Variants in AKT2 observed in about 807,000 individuals in gnomAD.
AKT2 encodes the protein RAC-beta serine/threonine-protein kinase.
In AKT2, 16 loss-of-function variants were observed where a neutral mutation model predicts 58.6. The observed-to-expected ratio is 0.27, with a 90% CI of 0.18 to 0.41. The LOEUF (loss-of-function observed/expected upper bound fraction) is 0.41. Among genes scored for constraint, AKT2 ranks in the 10% least tolerant of loss-of-function variants. The pLI, the probability that AKT2 is intolerant of heterozygous loss-of-function variation, is 1.00. For synonymous variants in AKT2, 253 were observed against 254.0 expected (o/e 1.00, Z 0.04); for missense variants, 438 against 661.0 (o/e 0.66, Z 3.70).
chr19:40,271,443 A>G (rs908974884), intron 1 of AKT2, among the ~76,000 whole-genome samples: 41 of 150,730 alleles, frequency 2.7e-4, no homozygotes, highest in African/African-American at 1.0e-3. Flanking sequence ...AAAAAAAAAA[A>G]AACCAAAAAA....
In AKT2 at chr19:40,242,966, G is replaced by A. The variant is rs1974504573; in HGVS notation, c.288-279C>T. 2.2e-5 allele frequency: 9 copies of A among 415,558 alleles called. No individual in the cohort carries two copies. Among genetic ancestry groups the A allele is most frequent in the South Asian group, 2.0e-4 (9 of 46,132 alleles). The allele number at this position is 415,558 out of a possible 1,614,324, so 25.7% of individuals were successfully genotyped here. On this transcript the variant is annotated intron_variant, in intron 4 of 13. Transcript: ENST00000392038. This position sits in a 1 kb window ranked among gnomAD's most constrained non-coding sequence, Gnocchi z 4.3. ...GTTCGAGACCAGCCTGGCCAACATG[G>A]TGAAACCCCGTCTCTACTAAAAATA...
In AKT2 at chr19:40,238,053, C is replaced by A; in HGVS notation, c.747G>T (p.Glu249Asp). ...CTGCACCATAAAACCGGGCCCGCTC[C>A]TCTGTGAAGACACGCTCCCGGGACA... is the stretch of plus-strand genomic sequence containing the variant. ...FHLSRERVFT[E>D]ERARFYGAEI... is the part of the protein sequence containing the mutation. Residue 249 changes from glutamate (E) to aspartate (D), a missense_variant, in exon 9 of 14, where the codon GAG becomes GAT. Physicochemically the swap from Glu to Asp is conservative, Grantham distance 45. Coordinates refer to ENST00000392038, the MANE Select transcript of AKT2 (RefSeq NM_001626.6). The surrounding 1 kb of genome is among the most constrained non-coding windows in gnomAD (Gnocchi z 5.1). 6.2e-7 allele frequency: 1 copy of A among 1,608,222 alleles called. No individual in the cohort carries two copies.
chr19:40,261,284 G>C (rs1975927970), intron 2 of AKT2, among the ~76,000 whole-genome samples: 1 of 152,326 alleles, frequency 6.6e-6, no homozygotes, highest in African/African-American at 2.4e-5. Flanking sequence ...TGTAATCCCA[G>C]CACTTTGGGA....
chr19:40,282,334 G>T (rs78266304), intron 1 of AKT2: 26,604 of 381,760 alleles, frequency 0.07, 1,191 homozygotes, highest in East Asian at 0.095. Context: ...GTGGTCCAAG[G>T]TCGCAGAGCT....
intron 1 of AKT2, among the ~76,000 whole-genome samples, chr19:40,278,820 C>T (rs959997567): frequency 6.6e-6 from 1 of 151,952 alleles, no homozygotes; most frequent in African/African-American, 2.4e-5. Context: ...AGGAAGGTTC[C>T]CGTTTACAGC....
chr19:40,256,891 C>T, intron 3 of AKT2, 35 bp downstream of exon 3: 2 of 1,613,554 alleles, frequency 1.2e-6, no homozygotes, highest in Non-Finnish European at 1.7e-6. Flanking sequence ...ATCCTGTGAG[C>T]ACCAGAACAC....
chr19:40,236,512 C>T lies in AKT2; in HGVS notation c.832-127G>A, dbSNP rs543722732. The T allele has an allele frequency of 2.2e-5, 28 of 1,263,440 alleles. No individual in the cohort carries two copies. The East Asian group carries it at 5.8e-4, about 26-fold the overall frequency. The allele number at this position is 1,263,440 out of a possible 1,614,324, so 78.3% of individuals were successfully genotyped here. A position where few individuals can be genotyped will look rare whatever the true frequency, so the allele number is the denominator to read the frequency against. Reference sequence around the variant, plus strand: ...CCCTCCCATGCCAGGCTGGGCCCAGCACACACAGCCTCACCCTCTGAGGCT... The same window carrying T: ...CCCTCCCATGCCAGGCTGGGCCCAGTACACACAGCCTCACCCTCTGAGGCT... On this transcript the variant is annotated intron_variant, in intron 9 of 13. Transcript: ENST00000392038.
chr19:40,259,193 C>T (rs570216680), intron 2 of AKT2, among the ~76,000 whole-genome samples: 2 of 152,040 alleles, frequency 1.3e-5, no homozygotes, highest in South Asian at 2.1e-4. Flanking sequence ...TTTTTCAAAA[C>T]GAAAGAAAAG....
intron 1 of AKT2, among the ~76,000 whole-genome samples, chr19:40,278,469 G>A (rs73933238): frequency 0.12 from 17,676 of 152,014 alleles, 1,434 homozygotes; most frequent in African/African-American, 0.23. Flanking sequence ...TCCTATCTAC[G>A]AGATGGGAGT....
At chr19:40,244,009 A>C (rs1397521742) in intron 4 of AKT2, 3 of 151,106 alleles carry the variant, frequency 2.0e-5, no homozygotes, top group Non-Finnish European at 4.4e-5. Flanking sequence ...GCGCCACTGC[A>C]CTCCAGCCTG....
intron 7 of AKT2, 26 bp downstream of exon 7, chr19:40,240,019 T>A (rs778468804): frequency 6.2e-7 from 1 of 1,611,134 alleles, no homozygotes; most frequent in South Asian, 1.1e-5. Context: ...GGCCTCACAC[T>A]GTCTGGGAAG....
Position 40,265,225 on chromosome 19 carries a change from G to A in AKT2, c.43C>T (p.Arg15Cys), listed in dbSNP as rs781407242. 1.2e-6 allele frequency: 2 copies of A among 1,613,090 alleles called. No homozygotes were observed. The highest frequency in any genetic ancestry group is 8.5e-7 in the Non-Finnish European group (1 of 1,179,646). ...GCGGGCAAAAGCGGCCTCTTACCAC[G>A]CTTGTGGAGCCAGCCTTCTTTGATG... ...SVIKEGWLHK[R>C]GEYIKTWRPR... is the part of the protein sequence containing the mutation. The change falls in exon 2 of 14, where the codon CGT becomes TGT. Residue 15 changes from arginine (R) to cysteine (C), a missense_variant. Physicochemically the swap from Arg to Cys is radical, Grantham distance 180. This residue lies in a region of AKT2 where 244 missense variants were observed against 347.1 expected (regional missense o/e 0.70). Coordinates refer to ENST00000392038, the MANE Select transcript of AKT2 (RefSeq NM_001626.6).
chr19:40,255,283 G>A lies in AKT2; in HGVS notation c.176-14C>T. 1 of 1,609,074 alleles carries A rather than the reference G, an allele frequency of 6.2e-7. No individual in the cohort carries two copies. The highest frequency in any genetic ancestry group is 8.5e-7 in the Non-Finnish European group (1 of 1,175,536). On this transcript the variant is annotated splice_polypyrimidine_tract_variant and intron_variant, in intron 3 of 13. Transcript: ENST00000392038. The stretch of plus-strand genomic sequence containing the variant: ...TCAGCTGGCATTCTGCAGGCAGAGG[G>A]AACAGACAGCAGGGGGCTGAGGGGA...
chr19:40,268,564 A>G (rs982935961), intron 1 of AKT2: 1 of 152,430 alleles, frequency 6.6e-6, no homozygotes, highest in Admixed American at 6.5e-5. Context: ...ACAGAAGCTG[A>G]GAGAAGGGAA....
At chr19:40,283,952 T>C (rs565902600) in intron 1 of AKT2, among the ~76,000 whole-genome samples, 6 of 152,278 alleles carry the variant, frequency 3.9e-5, no homozygotes, top group Non-Finnish European at 7.4e-5. Context: ...AACAGCTTCG[T>C]GGCCAGCGAC....
At chr19:40,246,988 C>T (rs185646192) in intron 4 of AKT2, among the ~76,000 whole-genome samples, 209 of 152,364 alleles carry the variant, frequency 1.4e-3, no homozygotes, top group Admixed American at 2.3e-3. Flanking sequence ...GCCTACCCCA[C>T]CTACCCTGGC....
At chr19:40,245,931 A>C (rs963340552) in intron 4 of AKT2, among the ~76,000 whole-genome samples, 2 of 152,066 alleles carry the variant, frequency 1.3e-5, no homozygotes, top group African/African-American at 4.8e-5. Flanking sequence ...CAGAGCACGC[A>C]CTGAGCCCTG....
Position 40,265,325 on chromosome 19 carries a change from C to A in AKT2, c.-58G>T. The A allele has an allele frequency of 6.3e-7, 1 of 1,594,748 alleles. No homozygotes were observed. The highest frequency in any genetic ancestry group is 8.5e-7 in the Non-Finnish European group (1 of 1,171,204). ...GGACAGCTCAGGGCAGCAGGACATG[C>A]AGGAGGCACCGTGGACAGGGCACAG... On this transcript the variant is annotated 5_prime_UTR_variant, in exon 2 of 14. Transcript: ENST00000392038.
At chr19:40,256,553 A>G (rs1246423396) in intron 3 of AKT2, among the ~76,000 whole-genome samples, 1 of 152,160 alleles carries the variant, frequency 6.6e-6, no homozygotes, top group African/African-American at 2.4e-5. Context: ...CTGAGTGGGA[A>G]GCTGTGACCC....
Sources: allele counts gnomAD v4.1 joint callset (sites outside exome capture counted in the v4.1 genomes callset), GRCh38; gene constraint gnomAD v4.1.1; regional missense constraint gnomAD v4.1.1; non-coding constraint Gnocchi (gnomAD v3.1); transcripts MANE v1.5; gene names NCBI Gene and HGNC (gene_info 2026-07-23, HGNC 2026-07-21).